Variants in CSAD observed in about 807,000 individuals in gnomAD.
CSAD encodes P-selectin cytoplasmic tail-associated protein.
Under a neutral mutation model 61.5 loss-of-function variants are expected in CSAD, and 47 were observed. That is an observed-to-expected ratio of 0.76 (90% CI 0.60 to 0.97). The LOEUF (loss-of-function observed/expected upper bound fraction) is 0.97. Among genes scored for constraint, CSAD ranks in the 50% least tolerant of loss-of-function variants. The probability of loss-of-function intolerance (pLI) is 0.00; values close to 1 mark genes in which losing one functional copy is unlikely to be tolerated. For missense variants in CSAD, 611 were observed against 643.6 expected, an observed-to-expected ratio of 0.95 and a Z score of 0.55; for synonymous variants, 245 against 252.7, an observed-to-expected ratio of 0.97 and a Z score of 0.29.
chr12:53,159,589 C>G (rs772974022), intron 16 of CSAD, 34 bp downstream of exon 16: 1 of 1,580,626 alleles, frequency 6.3e-7, no homozygotes, highest in East Asian at 2.3e-5. Flanking sequence ...CATCAGCTCC[C>G]TAACGGGTAA....
intron 10 of CSAD, among the ~76,000 whole-genome samples, chr12:53,162,893 C>G (rs1041365514): frequency 3.3e-5 from 5 of 151,826 alleles, no homozygotes; most frequent in African/African-American, 1.2e-4. Context: ...ACAACCCTGT[C>G]TCTACTAAAA....
rs565196213 is a variant in CSAD, at chr12:53,168,394, T to C, written c.702+1678A>G. Among the ~76,000 whole-genome samples, 5 of 152,328 alleles carry C rather than the reference T, an allele frequency of 3.3e-5. No individual in the cohort carries two copies. In the East Asian group the frequency reaches 9.6e-4, roughly 29 times the overall value. The stretch of plus-strand genomic sequence containing the variant: ...TGAATTATATGTTATGTGAATTATA[T>C]ATCAATAAAACTATTACCAAAAAAG... On this transcript the variant is annotated intron_variant, in intron 10 of 16. Transcript: ENST00000444623.
chr12:53,179,826 A>G (rs756175332), intron 1 of CSAD: 3 of 1,613,716 alleles, frequency 1.9e-6, no homozygotes, highest in Non-Finnish European at 1.7e-6. Flanking sequence ...CATCAAGCGC[A>G]TTTGCAGTCC....
At chr12:53,169,967 G>A (rs965258868) in intron 10 of CSAD, 105 bp downstream of exon 10, 2 of 964,650 alleles carry the variant, frequency 2.1e-6, no homozygotes, top group African/African-American at 1.6e-5. Context: ...AGGGGAGATG[G>A]GCATGGAGAC....
At chr12:53,175,909 G>T (rs1941069847) in intron 2 of CSAD, among the ~76,000 whole-genome samples, 1 of 152,174 alleles carries the variant, frequency 6.6e-6, no homozygotes, top group African/African-American at 2.4e-5. Context: ...TTAGCTGAAA[G>T]AAGGTGAACT....
chr12:53,180,871 C>A lies in CSAD; in HGVS notation c.-230G>T. 8.2e-7 allele frequency: 1 copy of A among 1,220,724 alleles called. No individual in the cohort carries two copies. Among genetic ancestry groups the A allele is most frequent in the Non-Finnish European group, 1.0e-6 (1 of 954,592 alleles). The allele number at this position is 1,220,724 out of a possible 1,614,324, so 75.6% of individuals were successfully genotyped here. A position where few individuals can be genotyped will look rare whatever the true frequency, so the allele number is the denominator to read the frequency against. On this transcript the variant is annotated 5_prime_UTR_variant, in exon 1 of 17. Coordinates refer to ENST00000444623, the MANE Select transcript of CSAD (RefSeq NM_001244705.2). ...AAGCCCCAAAGACCGCAGCGTCGTC[C>A]GTACAGACGGCAGCGCTTCAGTAGC...
chr12:53,178,764 G>GAC (rs1319778394), intron 2 of CSAD, among the ~76,000 whole-genome samples: 2 of 152,010 alleles, frequency 1.3e-5, no homozygotes, highest in Admixed American at 1.3e-4. Context: ...TAGCCTGGGT[G>GAC]ACAGAGTGAG....
At chr12:53,162,919 G>A (rs941285750) in intron 10 of CSAD, among the ~76,000 whole-genome samples, 6 of 152,044 alleles carry the variant, frequency 3.9e-5, no homozygotes, top group Non-Finnish European at 8.8e-5. Context: ...AAATTAGCCA[G>A]GCATGGTGGC....
rs201991487 is a variant in CSAD, at chr12:53,172,551, C to T, written c.224G>A (p.Arg75Gln). Reference protein sequence around the residue: ...ESQKQILERCRAVIRYSVKTG... With the variant: ...ESQKQILERCQAVIRYSVKTG... ...CTTGACACTGTAGCGAATCACAGCC[C>T]GACACCGCTCCAGGATCTGCTTCTG... Residue 75 changes from arginine to glutamine, a missense_variant, in exon 5 of 17, where the codon CGG becomes CAG. Coordinates refer to ENST00000444623, the MANE Select transcript of CSAD (RefSeq NM_001244705.2). The T allele has an allele frequency of 2.3e-4, 367 of 1,613,890 alleles. 3 individuals are homozygous for T. In the East Asian group the frequency reaches 7.0e-3, roughly 31 times the overall value.
chr12:53,162,879 T>C (rs1302644617), intron 10 of CSAD, among the ~76,000 whole-genome samples: 3 of 151,444 alleles, frequency 2.0e-5, no homozygotes, highest in East Asian at 2.0e-4. Context: ...CTGACCAACA[T>C]GGAACAACCC....
Position 53,173,399 on chromosome 12 carries a change from C to G in CSAD, c.72G>C (p.Val24=). 6.2e-7 allele frequency: 1 copy of G among 1,614,250 alleles called. No individual in the cohort carries two copies. Among genetic ancestry groups the G allele is most frequent in the South Asian group, 1.1e-5 (1 of 91,090 alleles). The part of the protein sequence containing the change: ...PVAVEALLRA[V]FGVVVDEAIQ... Reference sequence around the variant, plus strand: ...TGGCCTCATCCACAACAACCCCAAACACGGCCCGGAGCAAGGCTTCCACAG... The same window carrying G: ...TGGCCTCATCCACAACAACCCCAAAGACGGCCCGGAGCAAGGCTTCCACAG... Residue 24 remains valine (V), a synonymous_variant, in exon 4 of 17, where the codon GTG becomes GTC. Coordinates refer to ENST00000444623, the MANE Select transcript of CSAD (RefSeq NM_001244705.2).
rs1245673511 is a variant in CSAD, at chr12:53,161,350, T to C, written c.742A>G (p.Thr248Ala). ...PFLVSATSGT[T>A]VLGAFDPLEA... The stretch of plus-strand genomic sequence containing the variant: ...AGGGGGTCAAAGGCCCCTAGCACAG[T>C]GGTGCCAGAGGTGGCACTGACCAGG... Residue 248 changes from threonine (T) to alanine (A), a missense_variant, in exon 11 of 17, where the codon ACT becomes GCT. By Grantham distance (58) the Thr-to-Ala change is moderately conservative. Coordinates refer to ENST00000444623, the MANE Select transcript of CSAD (RefSeq NM_001244705.2). 3.1e-6 allele frequency: 5 copies of C among 1,614,010 alleles called. No homozygotes were observed. Among genetic ancestry groups the C allele is most frequent in the East Asian group, 2.2e-5 (1 of 44,846 alleles).
At chr12:53,167,351 T>C (rs1196045227) in intron 10 of CSAD, among the ~76,000 whole-genome samples, 3 of 152,206 alleles carry the variant, frequency 2.0e-5, no homozygotes, top group African/African-American at 7.2e-5. Flanking sequence ...ACCTAGTTCA[T>C]TTCTTTTCTC....
intron 10 of CSAD, among the ~76,000 whole-genome samples, chr12:53,162,335 C>T (rs972667850): frequency 6.6e-6 from 1 of 150,920 alleles, no homozygotes; most frequent in Non-Finnish European, 1.5e-5. Context: ...TTTGGGAGGC[C>T]GACGCGGGTG....
chr12:53,168,010 G>T (rs1265349685), intron 10 of CSAD, among the ~76,000 whole-genome samples: 1 of 152,204 alleles, frequency 6.6e-6, no homozygotes. Flanking sequence ...ATAAATAAAT[G>T]TGGTATATCC....
chr12:53,164,820 A>G (rs1939700968), intron 10 of CSAD: 1 of 152,264 alleles, frequency 6.6e-6, no homozygotes, highest in South Asian at 2.1e-4. Flanking sequence ...TCTAGAATAT[A>G]TGAAGAACTC....
intron 5 of CSAD, 30 bp downstream of exon 5, chr12:53,172,492 A>G (rs376653177): frequency 9.8e-5 from 158 of 1,613,986 alleles, no homozygotes; most frequent in Non-Finnish European, 5.1e-5. Context: ...CAAACTCCCA[A>G]GTCTCCTCCT....
chr12:53,172,391 T>C lies in CSAD; in HGVS notation c.299A>G (p.His100Arg). The C allele has an allele frequency of 2.5e-6, 4 of 1,614,050 alleles. No individual in the cohort carries two copies. Among genetic ancestry groups the C allele is most frequent in the Non-Finnish European group, 3.4e-6 (4 of 1,180,006 alleles). Residue 100 changes from histidine to arginine, a missense_variant, in exon 6 of 17, where the codon CAT (histidine) becomes CGT (arginine). By Grantham distance (29) the His-to-Arg change is conservative. Transcript: ENST00000444623. Reference protein sequence around the residue: ...FNQLFSGLDPHALAGRIITES... With the variant: ...FNQLFSGLDPRALAGRIITES... ...AGTGATAATGCGCCCGGCCAGAGCA[T>C]GGGGATCCAACCCAGAGAAGAGCTG...
chr12:53,180,384 G>A (rs867782307), intron 1 of CSAD: 1 of 985,252 alleles, frequency 1.0e-6, no homozygotes, highest in African/African-American at 1.7e-5. Flanking sequence ...GATTTTTCAA[G>A]GAGTCTGAAC....
Sources: gnomAD v4.1 joint callset for allele counts (sites outside exome capture counted in the v4.1 genomes callset) on GRCh38, gnomAD v4.1.1 for gene constraint, MANE v1.5 for transcripts, NCBI Gene and HGNC (gene_info 2026-07-23, HGNC 2026-07-21) for gene names.